Variants in ZBTB16 observed in about 807,000 individuals in gnomAD.
ZBTB16 encodes the protein zinc finger and BTB domain-containing protein 16.
ZBTB16 carries 8 observed loss-of-function variants against 56.8 expected under a neutral mutation model. The observed-to-expected ratio is 0.14, with a 90% confidence interval of 0.08 to 0.25. The LOEUF is 0.25. Ranked by LOEUF, ZBTB16 falls within the 10% of genes least tolerant of loss-of-function variation. ZBTB16 has a pLI of 1.00. For synonymous variants in ZBTB16, 363 were observed against 368.5 expected, an observed-to-expected ratio of 0.98 and a Z score of 0.17; for missense variants, 625 against 903.0, an observed-to-expected ratio of 0.69 and a Z score of 3.95.
chr11:114,207,861 G>T (rs1480366384), intron 4 of ZBTB16, among the ~76,000 whole-genome samples: 1 of 152,140 alleles, frequency 6.6e-6, no homozygotes, highest in Non-Finnish European at 1.5e-5. Flanking sequence ...TGATCCTCCT[G>T]CCTTGGCCTC....
chr11:114,096,338 A>G (rs931904475), intron 2 of ZBTB16, among the ~76,000 whole-genome samples: 1 of 152,260 alleles, frequency 6.6e-6, no homozygotes, highest in Non-Finnish European at 1.5e-5. Flanking sequence ...GTGGTAAGAC[A>G]TAAGCCTCTA....
At chr11:114,157,320 G>A (rs1472325668) in intron 3 of ZBTB16, among the ~76,000 whole-genome samples, 1 of 152,216 alleles carries the variant, frequency 6.6e-6, no homozygotes, top group African/African-American at 2.4e-5. Flanking sequence ...AATATGTGCT[G>A]TGTGACCTTA....
intron 2 of ZBTB16, among the ~76,000 whole-genome samples, chr11:114,154,762 GA>G (rs1276276267): frequency 2.0e-5 from 3 of 152,160 alleles, no homozygotes; most frequent in African/African-American, 7.2e-5. Flanking sequence ...TTGTGATTGA[GA>G]AATCATTTGT....
At position 114,232,121 on chromosome 11, in the gene ZBTB16, C is replaced by T. The variant is rs959682849; in HGVS notation, c.1454-10046C>T. Among the ~76,000 whole-genome samples, 9 of 152,290 alleles carry T rather than the reference C, an allele frequency of 5.9e-5. 1 individual carries two copies. The highest frequency in any genetic ancestry group is 9.6e-5 in the African/African-American group (4 of 41,562). ...TGCTCCGTCCCGATGTTCCCCCACC[C>T]GCTTTGGGGCTTCTTTTCCTGGAAG... On this transcript the variant is annotated intron_variant, in intron 4 of 6. Coordinates refer to ENST00000335953, the MANE Select transcript of ZBTB16 (RefSeq NM_006006.6).
intron 2 of ZBTB16, among the ~76,000 whole-genome samples, chr11:114,078,592 A>C (rs967802988): frequency 6.6e-6 from 1 of 151,884 alleles, no homozygotes; most frequent in African/African-American, 2.4e-5. Context: ...AGAGGGTGCT[A>C]TTTAGAGCAG....
chr11:114,223,925 A>C (rs1225157781), intron 4 of ZBTB16, among the ~76,000 whole-genome samples: 1 of 152,188 alleles, frequency 6.6e-6, no homozygotes. Flanking sequence ...AGAGAGTAAG[A>C]CAAGTTCATG....
At chr11:114,139,736 C>T (rs550582057) in intron 2 of ZBTB16, among the ~76,000 whole-genome samples, 1 of 151,862 alleles carries the variant, frequency 6.6e-6, no homozygotes, top group South Asian at 2.1e-4. Context: ...AACTACGGAG[C>T]AAGACAGAGC....
chr11:114,218,485 C>G (rs952891826), intron 4 of ZBTB16, among the ~76,000 whole-genome samples: 2 of 152,226 alleles, frequency 1.3e-5, no homozygotes, highest in African/African-American at 4.8e-5. Flanking sequence ...TCCCTCTACA[C>G]CCTCCTCCAG....
intron 3 of ZBTB16, among the ~76,000 whole-genome samples, chr11:114,168,386 G>T (rs1046418189): frequency 6.6e-6 from 1 of 152,196 alleles, no homozygotes; most frequent in Non-Finnish European, 1.5e-5. Context: ...GGAAATATCT[G>T]TTGAAGAAGT....
At chr11:114,104,069 G>C (rs190280173) in intron 2 of ZBTB16, among the ~76,000 whole-genome samples, 1 of 152,280 alleles carries the variant, frequency 6.6e-6, no homozygotes, top group Admixed American at 6.5e-5. Context: ...AGGTGAATAG[G>C]GAAGGGAGTA....
intron 3 of ZBTB16, among the ~76,000 whole-genome samples, chr11:114,169,457 C>T (rs1320631890): frequency 1.3e-5 from 2 of 152,094 alleles, no homozygotes; most frequent in African/African-American, 4.8e-5. Flanking sequence ...CAAATGGGAA[C>T]CAGATGGTGA....
intron 4 of ZBTB16, among the ~76,000 whole-genome samples, chr11:114,207,699 C>T (rs1943914336): frequency 1.3e-5 from 2 of 152,130 alleles, no homozygotes; most frequent in African/African-American, 2.4e-5. Flanking sequence ...CTGCAACCTC[C>T]GCCTCCTGGG....
chr11:114,178,489 C>T (rs186915216), intron 3 of ZBTB16, among the ~76,000 whole-genome samples: 4 of 152,222 alleles, frequency 2.6e-5, no homozygotes, highest in East Asian at 1.9e-4. Context: ...TTCCAGAGAG[C>T]GTGCTCTTCA....
At chr11:114,199,886 TG>T (rs1000257255) in intron 4 of ZBTB16, among the ~76,000 whole-genome samples, 10 of 152,186 alleles carry the variant, frequency 6.6e-5, no homozygotes, top group Non-Finnish European at 1.5e-4. Flanking sequence ...CCCAGCACTT[TG>T]GGAGGCCGAG....
intron 2 of ZBTB16, among the ~76,000 whole-genome samples, chr11:114,148,457 GTC>G (rs1282315613): frequency 1.7e-5 from 1 of 59,824 alleles, no homozygotes. Context: ...CTGTCTGTCT[GTC>G]TCTCTCTCTC....
At chr11:114,173,385 G>A (rs1239229765) in intron 3 of ZBTB16, among the ~76,000 whole-genome samples, 1 of 152,198 alleles carries the variant, frequency 6.6e-6, no homozygotes, top group Non-Finnish European at 1.5e-5. Context: ...GGAGCTCCGT[G>A]TCTGAGATGG....
chr11:114,093,898 C>G (rs1242808341), intron 2 of ZBTB16, among the ~76,000 whole-genome samples: 1 of 152,216 alleles, frequency 6.6e-6, no homozygotes, highest in Non-Finnish European at 1.5e-5. Context: ...TGGAATGAAA[C>G]TGAATTGTCA....
intron 4 of ZBTB16, among the ~76,000 whole-genome samples, chr11:114,231,520 C>T (rs1218129991): frequency 6.6e-6 from 1 of 152,180 alleles, no homozygotes; most frequent in Non-Finnish European, 1.5e-5. Flanking sequence ...AAGCTGCTAA[C>T]TGGTAGTCCC....
chr11:114,118,174 T>C (rs1831382503), intron 2 of ZBTB16, among the ~76,000 whole-genome samples: 5 of 152,208 alleles, frequency 3.3e-5, no homozygotes, highest in Admixed American at 2.6e-4. Context: ...AGAGGTGTTT[T>C]TGATTTTTGT....
Sources: gnomAD v4.1 joint callset for allele counts (sites outside exome capture counted in the v4.1 genomes callset) on GRCh38, gnomAD v4.1.1 for gene constraint, MANE v1.5 for transcripts, NCBI Gene and HGNC (gene_info 2026-07-23, HGNC 2026-07-21) for gene names.